Variants in MYH8 observed in about 807,000 individuals in gnomAD.
MYH8 encodes myosin-8.
A neutral mutation model predicts 233.2 loss-of-function variants in MYH8; 168 were observed. The ratio of observed to expected loss-of-function variants is 0.72; its 90% confidence interval spans 0.64 to 0.82. MYH8 has a LOEUF of 0.82. Among genes scored for constraint, MYH8 ranks in the 40% least tolerant of loss-of-function variants. The pLI is 0.00. For missense variants in MYH8, 1,995 were observed against 2,327.8 expected (o/e 0.86, Z 2.94); for synonymous variants, 785 against 850.6 (o/e 0.92, Z 1.34).
At chr17:10,398,994 G>GTGTC (rs1555555758) in intron 28 of MYH8, 108 bp from the exon 29 acceptor site, 1 of 305,198 alleles carries the variant, frequency 3.3e-6, no homozygotes, top group African/African-American at 2.4e-5. Flanking sequence ...ATGTGTGTGT[G>GTGTC]TATATATATA....
At position 10,409,460 on chromosome 17, in the gene MYH8, G is replaced by T; in HGVS notation, c.1716C>A (p.Val572=). The T allele has an allele frequency of 6.2e-7, 1 of 1,614,182 alleles. No individual in the cohort carries two copies. The highest frequency in any genetic ancestry group is 8.5e-7 in the Non-Finnish European group (1 of 1,180,038). Reference sequence around the variant, plus strand: ...AGAAGTGGGCCTCAGCCTTGCCTTTGACCACCTTGGGCTTCTGGAAGTTGG... The same window carrying T: ...AGAAGTGGGCCTCAGCCTTGCCTTTTACCACCTTGGGCTTCTGGAAGTTGG... ...KSANFQKPKV[V]KGKAEAHFSL... The change falls in exon 16 of 40, where the codon GTC becomes GTA. Residue 572 remains valine, a synonymous_variant. Coordinates refer to ENST00000403437, the MANE Select transcript of MYH8 (RefSeq NM_002472.3).
rs1473154986 is a variant in MYH8, at chr17:10,406,144, C to T, written c.2329G>A (p.Glu777Lys). 1 of 1,613,882 alleles carries T rather than the reference C, an allele frequency of 6.2e-7. No homozygotes were observed. The highest frequency in any genetic ancestry group is 8.5e-7 in the Non-Finnish European group (1 of 1,179,992). Residue 777 changes from glutamate (E) to lysine (K), a missense_variant, in exon 21 of 40, where the codon GAA (glutamate) becomes AAA (lysine). This residue lies in a region of MYH8 where 1,498 missense variants were observed against 1,680.9 expected (regional missense o/e 0.89). Transcript: ENST00000403437. Reference sequence around the variant, plus strand: ...GCTAATTTTTCATCTCTCATTTCTTCCAGAAGACCCAGAAGTCCAGCTTTG... The same window carrying T: ...GCTAATTTTTCATCTCTCATTTCTTTCAGAAGACCCAGAAGTCCAGCTTTG... ...FFKAGLLGLL[E>K]EMRDEKLAQI...
chr17:10,415,290 A>G lies in MYH8; in HGVS notation c.741+2T>C. The G allele has an allele frequency of 6.2e-7, 1 of 1,613,270 alleles. No individual in the cohort carries two copies. The highest frequency in any genetic ancestry group is 8.5e-7 in the Non-Finnish European group (1 of 1,179,142). ...GTTAGGGGTTGAGACCAAGAGACTC[A>G]CAAAGCGAGAGGAGTTGTCATTCCT... On this transcript the variant is annotated splice_donor_variant, in intron 8 of 39. Coordinates refer to ENST00000403437, the MANE Select transcript of MYH8 (RefSeq NM_002472.3). LOFTEE classifies it high-confidence loss of function. The surrounding 1 kb of genome is among the most constrained non-coding windows in gnomAD (Gnocchi z 4.1).
intron 5 of MYH8, among the ~76,000 whole-genome samples, chr17:10,416,721 G>T (rs1455961274): frequency 6.6e-6 from 1 of 152,062 alleles, no homozygotes; most frequent in Non-Finnish European, 1.5e-5. Context: ...CAGAAGTAGA[G>T]ACAATAATAT....
chr17:10,406,803 T>C lies in MYH8; in HGVS notation c.2058A>G (p.Ala686=), dbSNP rs753765483. 6.8e-6 allele frequency: 11 copies of C among 1,614,108 alleles called. No homozygotes were observed. Among genetic ancestry groups the C allele is most frequent in the African/African-American group, 1.3e-5 (1 of 75,030 alleles). Residue 686 remains alanine, a synonymous_variant, in exon 19 of 40, where the codon GCA becomes GCG. Coordinates refer to ENST00000403437, the MANE Select transcript of MYH8 (RefSeq NM_002472.3). ...GGTGCAACACAAGTTCATGTTCCAT[T>C]GCCCCTAAAAATATAGAACAGTACT... The part of the protein sequence containing the change: ...IIPNETKTPG[A]MEHELVLHQL...
chr17:10,410,775 A>T lies in MYH8; in HGVS notation c.1587+2T>A. On this transcript the variant is annotated splice_donor_variant, in intron 15 of 39. Coordinates refer to ENST00000403437, the MANE Select transcript of MYH8 (RefSeq NM_002472.3). LOFTEE classifies it high-confidence loss of function. ...CTGCCCTTCTTTGGAAACCAAACCGACCTTCTCAATGAGCTCAATGCAGGC... is the reference window on the plus strand; with the variant it reads ...CTGCCCTTCTTTGGAAACCAAACCGTCCTTCTCAATGAGCTCAATGCAGGC... The T allele has an allele frequency of 6.2e-7, 1 of 1,613,928 alleles. No homozygotes were observed. The highest frequency in any genetic ancestry group is 8.5e-7 in the Non-Finnish European group (1 of 1,179,868).
chr17:10,403,200 C>T (rs1378585786), intron 22 of MYH8, among the ~76,000 whole-genome samples: 1 of 152,102 alleles, frequency 6.6e-6, no homozygotes, highest in Non-Finnish European at 1.5e-5. Context: ...TTGTCCATTC[C>T]ATTTGTGGCC....
rs2072134005 is a variant in MYH8, at chr17:10,400,886, TC to T, written c.3327del (p.Lys1110ArgfsTer57). Reference sequence around the variant, plus strand: ...TGACTCACCTGCAACTCTTTGATCTTCTTCTGTAGTTGAATTTCTACAGCTT... The same window carrying T: ...TGACTCACCTGCAACTCTTTGATCTTTTCTGTAGTTGAATTTCTACAGCTT... ...DEQAVEIQLQ[K>X]KIKELQARIE... On this transcript the variant is annotated frameshift_variant, in exon 26 of 40. Coordinates refer to ENST00000403437, the MANE Select transcript of MYH8 (RefSeq NM_002472.3). LOFTEE classifies it high-confidence loss of function. The surrounding 1 kb of genome is among the most constrained non-coding windows in gnomAD (Gnocchi z 4.0). 1 of 1,613,796 alleles carries T rather than the reference TC, an allele frequency of 6.2e-7. No homozygotes were observed. The highest frequency in any genetic ancestry group is 1.7e-5 in the Admixed American group (1 of 60,016).
At chr17:10,394,208 G>C in intron 35 of MYH8, 41 bp downstream of exon 35, 1 of 1,612,282 alleles carries the variant, frequency 6.2e-7, no homozygotes. Flanking sequence ...GAATGCATCA[G>C]CTACCAGTAC....
At chr17:10,395,020 G>T in intron 34 of MYH8, 113 bp downstream of exon 34, 1 of 1,167,738 alleles carries the variant, frequency 8.6e-7, no homozygotes, top group Non-Finnish European at 1.3e-6. Context: ...CCTTTGTGCG[G>T]TCAGCTGTAT....
chr17:10,412,741 A>C lies in MYH8; in HGVS notation c.1148-13T>G. ...GCCTTGTCAGCGACTGCAGAGACACAGTTCAGGACATGTTGTTTCATGAAG... is the reference window on the plus strand; with the variant it reads ...GCCTTGTCAGCGACTGCAGAGACACCGTTCAGGACATGTTGTTTCATGAAG... On this transcript the variant is annotated splice_polypyrimidine_tract_variant and intron_variant, in intron 12 of 39. Coordinates refer to ENST00000403437, the MANE Select transcript of MYH8 (RefSeq NM_002472.3). 1 of 1,585,738 alleles carries C rather than the reference A, an allele frequency of 6.3e-7. No homozygotes were observed. The highest frequency in any genetic ancestry group is 2.2e-5 in the East Asian group (1 of 44,714).
Position 10,390,580 on chromosome 17 carries a change from T to A in MYH8, c.5688A>T (p.Leu1896=). 1 of 1,614,180 alleles carries A rather than the reference T, an allele frequency of 6.2e-7. No individual in the cohort carries two copies. Among genetic ancestry groups the A allele is most frequent in the African/African-American group, 1.3e-5 (1 of 75,060 alleles). The change falls in exon 40 of 40, where the codon CTA becomes CTT. Residue 1896 remains leucine, a synonymous_variant. Transcript: ENST00000403437. ...CATGCTGGAGTTTGCGGAATTTAGA[T>A]AGATTAGCATTGGATTGTTCCTCCT... ...EEAEEQSNAN[L]SKFRKLQHEL...
At chr17:10,407,437 G>A (rs1313290778) in intron 17 of MYH8, among the ~76,000 whole-genome samples, 2 of 152,218 alleles carry the variant, frequency 1.3e-5, no homozygotes, top group East Asian at 3.8e-4. Flanking sequence ...GCAGTTTACA[G>A]TGGTAACCTA....
chr17:10,395,316 G>A lies in MYH8; in HGVS notation c.4779C>T (p.His1593=), dbSNP rs766375199. The change falls in exon 34 of 40, where the codon CAC becomes CAT. Residue 1593 remains histidine (H), a synonymous_variant. Transcript: ENST00000403437. ...DEEIDQLKRN[H]TRVVETMQST... is the part of the protein sequence containing the mutation. ...TCTGCATTGTCTCCACGACTCTAGT[G>A]TGGTTTCTCTTCAGCTGGTCAATTT... 2.5e-6 allele frequency: 4 copies of A among 1,614,042 alleles called. No individual in the cohort carries two copies. Among genetic ancestry groups the A allele is most frequent in the Non-Finnish European group, 3.4e-6 (4 of 1,180,040 alleles).
At position 10,406,715 on chromosome 17, in the gene MYH8, T is replaced by A; in HGVS notation, c.2146A>T (p.Ile716Phe). ...CTTTGTTTGAAATCACCATATAAGA[T>A]TCTGCTTGGGAATCCTTTCCTACAG... ...RICRKGFPSRILYGDFKQRYK... is the reference protein window; with the variant it reads ...RICRKGFPSRFLYGDFKQRYK... The change falls in exon 19 of 40, where the codon ATC becomes TTC. Residue 716 changes from isoleucine to phenylalanine, a missense_variant. Ile to Phe is a conservative substitution (Grantham distance 21, BLOSUM62 0). Around this residue, in one of 3 missense-constraint regions of MYH8, gnomAD observed 1,498 missense variants for 1,680.9 expected, o/e 0.89. Transcript: ENST00000403437. 1 of 1,614,118 alleles carries A rather than the reference T, an allele frequency of 6.2e-7. No homozygotes were observed.
At position 10,406,102 on chromosome 17, in the gene MYH8, T is replaced by A. The variant is rs768644838; in HGVS notation, c.2371A>T (p.Thr791Ser). ...AGGAATCCCCTACAGACAGCTTGTGTTCTTGTTATAATTTGGGCTAATTTT... is the reference window on the plus strand; with the variant it reads ...AGGAATCCCCTACAGACAGCTTGTGATCTTGTTATAATTTGGGCTAATTTT... ...DEKLAQIITR[T>S]QAVCRGFLMR... The change falls in exon 21 of 40, where the codon ACA (threonine) becomes TCA (serine). Residue 791 changes from threonine (T) to serine (S), a missense_variant. Physicochemically the swap from Thr to Ser is moderately conservative, Grantham distance 58. Around this residue, in one of 3 missense-constraint regions of MYH8, gnomAD observed 1,498 missense variants for 1,680.9 expected, o/e 0.89. Transcript: ENST00000403437. 7 of 1,614,044 alleles carry A rather than the reference T, an allele frequency of 4.3e-6. No individual in the cohort carries two copies. The highest frequency in any genetic ancestry group is 5.9e-6 in the Non-Finnish European group (7 of 1,180,024).
At position 10,393,014 on chromosome 17, in the gene MYH8, T is replaced by A; in HGVS notation, c.5293-13A>T. On this transcript the variant is annotated splice_polypyrimidine_tract_variant and intron_variant, in intron 36 of 39. Coordinates refer to ENST00000403437, the MANE Select transcript of MYH8 (RefSeq NM_002472.3). ...CCATCATGGCAGCCTATTTAGGAAA[T>A]AAATTAAGAAAGTAATGAAACTTGA... 6.2e-7 allele frequency: 1 copy of A among 1,614,190 alleles called. No homozygotes were observed. The highest frequency in any genetic ancestry group is 8.5e-7 in the Non-Finnish European group (1 of 1,180,034).
intron 5 of MYH8, among the ~76,000 whole-genome samples, chr17:10,418,201 T>C (rs2072304509): frequency 6.6e-6 from 1 of 152,240 alleles, no homozygotes; most frequent in Admixed American, 6.5e-5. Flanking sequence ...ATATTAGCTG[T>C]GTCATTCAAA....
Position 10,418,753 on chromosome 17 carries a change from G to A in MYH8, c.403C>T (p.Pro135Ser), listed in dbSNP as rs761474606. 1.2e-6 allele frequency: 2 copies of A among 1,613,820 alleles called. No individual in the cohort carries two copies. Among genetic ancestry groups the A allele is most frequent in the South Asian group, 1.1e-5 (1 of 91,066 alleles). Residue 135 changes from proline to serine, a missense_variant, in exon 5 of 40, where the codon CCG (proline) becomes TCG (serine). Around this residue, in one of 3 missense-constraint regions of MYH8, gnomAD observed 479 missense variants for 600.9 expected, o/e 0.80. Coordinates refer to ENST00000403437, the MANE Select transcript of MYH8 (RefSeq NM_002472.3). ...CVTVNPYKWL[P>S]VYKPEVVAAY... is the part of the protein sequence containing the mutation. ...GCCACCACCTCGGGCTTGTACACCG[G>A]CAGCCACTTGTAGGGGTTGACGGTG...
Sources: gnomAD v4.1 joint callset for allele counts (sites outside exome capture counted in the v4.1 genomes callset) on GRCh38, gnomAD v4.1.1 for gene constraint, gnomAD v4.1.1 regional missense constraint, Gnocchi (gnomAD v3.1) non-coding constraint, MANE v1.5 for transcripts, NCBI Gene and HGNC (gene_info 2026-07-23, HGNC 2026-07-21) for gene names.